The following HIVEP2 variants were observed in gnomAD, a reference collection of about 807,000 sequenced individuals.
HIVEP2 encodes the protein transcription factor HIVEP2.
In HIVEP2, 14 loss-of-function variants were observed where a neutral mutation model predicts 180.7. The ratio of observed to expected loss-of-function variants is 0.08; its 90% CI spans 0.05 to 0.12. The LOEUF is 0.12. HIVEP2 is among the 10% of genes least tolerant of loss of function. The pLI, the probability that HIVEP2 is intolerant of heterozygous loss-of-function variation, is 1.00. For synonymous variants in HIVEP2, 1,184 were observed against 1,136.4 expected, an observed-to-expected ratio of 1.04 and a Z score of -0.84; for missense variants, 2,579 against 3,008.5, an observed-to-expected ratio of 0.86 and a Z score of 3.34.
chr6:142,782,220 G>A (rs965037958), intron 3 of HIVEP2, among the ~76,000 whole-genome samples: 8 of 152,158 alleles, frequency 5.3e-5, no homozygotes, highest in Non-Finnish European at 8.8e-5. Context: ...AACAAAATAC[G>A]TGTCTTATGG....
At chr6:142,838,716 C>A (rs1175377165) in intron 1 of HIVEP2, among the ~76,000 whole-genome samples, 3 of 152,048 alleles carry the variant, frequency 2.0e-5, no homozygotes, top group South Asian at 4.2e-4. Context: ...GGACAAACTT[C>A]AAGATTCTTA....
intron 1 of HIVEP2, among the ~76,000 whole-genome samples, chr6:142,885,050 T>A (rs1406059178): frequency 6.6e-6 from 1 of 152,136 alleles, no homozygotes; most frequent in Non-Finnish European, 1.5e-5. Context: ...ATTCAAAATC[T>A]CTGTTTTTAT....
intron 3 of HIVEP2, among the ~76,000 whole-genome samples, chr6:142,777,870 G>A (rs932736200): frequency 8.6e-5 from 13 of 152,026 alleles, no homozygotes; most frequent in African/African-American, 2.4e-4. Context: ...TTCCTAAAGC[G>A]AAACTCAAAT....
chr6:142,848,942 C>T (rs1310732101), intron 1 of HIVEP2, among the ~76,000 whole-genome samples: 2 of 152,124 alleles, frequency 1.3e-5, no homozygotes, highest in Non-Finnish European at 2.9e-5. Context: ...AATCACTAAG[C>T]CTGATTGTTT....
intron 1 of HIVEP2, among the ~76,000 whole-genome samples, chr6:142,923,935 C>T (rs1229916545): frequency 2.0e-5 from 3 of 152,200 alleles, no homozygotes; most frequent in African/African-American, 7.2e-5. Context: ...GGATCTCAAA[C>T]CGCTAGGTAA....
intron 1 of HIVEP2, among the ~76,000 whole-genome samples, chr6:142,913,401 C>G (rs1178124504): frequency 6.6e-6 from 1 of 152,204 alleles, no homozygotes; most frequent in Admixed American, 6.5e-5. Context: ...GATCAGGGCA[C>G]ACTGGCTGTC....
At chr6:142,912,324 C>G (rs1777430807) in intron 1 of HIVEP2, among the ~76,000 whole-genome samples, 1 of 152,154 alleles carries the variant, frequency 6.6e-6, no homozygotes, top group African/African-American at 2.4e-5. Flanking sequence ...CATCTAGTTC[C>G]AAACACATGC....
chr6:142,865,123 C>T (rs746628088), intron 1 of HIVEP2, among the ~76,000 whole-genome samples: 5 of 152,214 alleles, frequency 3.3e-5, no homozygotes, highest in South Asian at 2.1e-4. Context: ...GAAAATAAGT[C>T]TCTTGATAGC....
intron 2 of HIVEP2, among the ~76,000 whole-genome samples, chr6:142,806,101 A>T (rs975171080): frequency 6.6e-6 from 1 of 152,208 alleles, no homozygotes; most frequent in African/African-American, 2.4e-5. Context: ...ACTGAGTATT[A>T]CTGTACCTAC....
chr6:142,818,455 T>TTAG (rs1562248712), intron 2 of HIVEP2, among the ~76,000 whole-genome samples: 3 of 151,846 alleles, frequency 2.0e-5, no homozygotes, highest in African/African-American at 7.3e-5. Flanking sequence ...AGCGGGTGGA[T>TTAG]CACTTGAGGT....
chr6:142,843,381 TA>T (rs1775421752), intron 1 of HIVEP2, among the ~76,000 whole-genome samples: 1 of 152,086 alleles, frequency 6.6e-6, no homozygotes, highest in South Asian at 2.1e-4. Flanking sequence ...TTTAAAAAAA[TA>T]AAAGCTAAAT....
intron 1 of HIVEP2, among the ~76,000 whole-genome samples, chr6:142,937,741 G>C (rs4896607): frequency 0.67 from 102,650 of 152,090 alleles, 34,931 homozygotes; most frequent in African/African-American, 0.74. Context: ...ACCCTGAGTT[G>C]GAATCCTGCT....
chr6:142,873,665 T>A (rs1562274016), intron 1 of HIVEP2, among the ~76,000 whole-genome samples: 2 of 152,156 alleles, frequency 1.3e-5, no homozygotes, highest in Non-Finnish European at 2.9e-5. Flanking sequence ...TCTGGCATGA[T>A]CATATAGCGC....
chr6:142,811,602 A>C (rs1321751953), intron 2 of HIVEP2, among the ~76,000 whole-genome samples: 1 of 152,182 alleles, frequency 6.6e-6, no homozygotes, highest in Non-Finnish European at 1.5e-5. Context: ...TCACAACTAA[A>C]TTTAAATTAC....
intron 2 of HIVEP2, among the ~76,000 whole-genome samples, chr6:142,790,451 A>T (rs1167798086): frequency 6.6e-6 from 1 of 152,160 alleles, no homozygotes; most frequent in Admixed American, 6.6e-5. Flanking sequence ...CTTTAACTAA[A>T]TATTTGGAGA....
At chr6:142,872,637 C>A (rs1776321162) in intron 1 of HIVEP2, among the ~76,000 whole-genome samples, 1 of 152,134 alleles carries the variant, frequency 6.6e-6, no homozygotes. Flanking sequence ...ATGTCTTTAT[C>A]TAACAACCAA....
rs1775466345 is a variant in HIVEP2 at position 142,769,562 on chromosome 6, T to C, written c.5177A>G (p.Gln1726Arg). Residue 1726 changes from glutamine (Q) to arginine (R), a missense_variant, in exon 5 of 10, where the codon CAG becomes CGG. Physicochemically the swap from Gln to Arg is conservative, Grantham distance 43. This residue lies in a region of HIVEP2 where 349 missense variants were observed against 367.2 expected (regional missense o/e 0.95). Coordinates refer to ENST00000367603, the MANE Select transcript of HIVEP2 (RefSeq NM_006734.4). Reference sequence around the variant, plus strand: ...AACAGTATTTGTTACCTGAGTAAACTGCTTCCAAGCACTTGATGATGTAAG... The same window carrying C: ...AACAGTATTTGTTACCTGAGTAAACCGCTTCCAAGCACTTGATGATGTAAG... ...GKLTSSSAWK[Q>R]FTQMKPDASF... 1.9e-6 allele frequency: 3 copies of C among 1,613,850 alleles called. No homozygotes were observed. Among genetic ancestry groups the C allele is most frequent in the African/African-American group, 1.3e-5 (1 of 74,928 alleles).
chr6:142,921,774 T>C (rs1280952707), intron 1 of HIVEP2, among the ~76,000 whole-genome samples: 1 of 152,182 alleles, frequency 6.6e-6, no homozygotes, highest in Non-Finnish European at 1.5e-5. Flanking sequence ...CAAACTTCTT[T>C]TGGAAATCTA....
rs9496457 is a variant in HIVEP2 at position 142,759,898 on chromosome 6, A to G, written c.6390T>C (p.Ser2130=). The stretch of plus-strand genomic sequence containing the variant: ...TCATGTATCTTCTCTCTCTTCTAGG[A>G]GAGAGGTCTCTTCTTGCTGTGATAT... ...GKDITARRDL[S]PRRERRYMTT... is the part of the protein sequence containing the mutation. Residue 2130 remains serine, a synonymous_variant, in exon 9 of 10, where the codon TCT becomes TCC. Transcript: ENST00000367603. 0.18 allele frequency: 287,162 copies of G among 1,613,576 alleles called. 27,455 individuals are homozygous for G. Among genetic ancestry groups the G allele is most frequent in the Non-Finnish European group, 0.2 (231,584 of 1,179,652 alleles).
Sources: allele counts gnomAD v4.1 joint callset (sites outside exome capture counted in the v4.1 genomes callset), GRCh38; gene constraint gnomAD v4.1.1; regional missense constraint gnomAD v4.1.1; transcripts MANE v1.5; gene names NCBI Gene and HGNC (gene_info 2026-07-23, HGNC 2026-07-21).